The following BBS7 variants were observed in gnomAD, a reference collection of about 807,000 sequenced individuals.
BBS7 encodes the protein BBSome complex member BBS7.
A neutral mutation model predicts 90.3 loss-of-function variants in BBS7; 50 were observed. The ratio of observed to expected loss-of-function variants is 0.55; its 90% confidence interval spans 0.44 to 0.70. The LOEUF (loss-of-function observed/expected upper bound fraction) is 0.70, where lower values mean the gene tolerates loss of function less well. BBS7 is among the 30% of genes least tolerant of loss of function. The pLI is 0.00. For missense variants in BBS7, 729 were observed against 838.9 expected (o/e 0.87, Z 1.62); for synonymous variants, 235 against 287.4 (o/e 0.82, Z 1.85).
chr4:121,843,282 TTA>T (rs1725835688), intron 12 of BBS7, among the ~76,000 whole-genome samples: 2 of 152,146 alleles, frequency 1.3e-5, no homozygotes, highest in African/African-American at 2.4e-5. Context: ...TGTTCGTGTT[TTA>T]GGAAGGAAGA....
At chr4:121,853,129 G>T in intron 7 of BBS7, 43 bp from the exon 8 acceptor site, 1 of 1,592,630 alleles carries the variant, frequency 6.3e-7, no homozygotes. Context: ...AAGACTAATA[G>T]TTATGGTCAA....
At chr4:121,839,502 T>C in intron 13 of BBS7, 129 bp downstream of exon 13, 1 of 796,038 alleles carries the variant, frequency 1.3e-6, no homozygotes, top group Non-Finnish European at 2.1e-6. Flanking sequence ...CATTCAAAAT[T>C]CATTACTCCA....
chr4:121,853,589 G>GA (rs1188142116), intron 7 of BBS7, among the ~76,000 whole-genome samples: 2 of 149,588 alleles, frequency 1.3e-5, no homozygotes, highest in Admixed American at 1.3e-4. Flanking sequence ...AATATATACT[G>GA]AAATTGTCTA....
intron 13 of BBS7, among the ~76,000 whole-genome samples, chr4:121,835,602 A>G (rs1451343193): frequency 1.3e-5 from 2 of 152,156 alleles, no homozygotes; most frequent in African/African-American, 4.8e-5. Context: ...TTTAAGCAAG[A>G]TTTTTTGCAA....
intron 12 of BBS7, 120 bp downstream of exon 12, chr4:121,843,807 A>G: frequency 1.4e-6 from 1 of 720,428 alleles, no homozygotes; most frequent in Non-Finnish European, 2.4e-6. Context: ...TTTGAAGGAA[A>G]GGTTACATAA....
intron 4 of BBS7, among the ~76,000 whole-genome samples, chr4:121,859,726 C>T (rs1363390772): frequency 1.3e-5 from 2 of 151,712 alleles, no homozygotes; most frequent in East Asian, 3.9e-4. Flanking sequence ...CTGAAAAAGT[C>T]TATTTTAAGT....
Position 121,870,347 on chromosome 4 carries a change from C to G in BBS7, c.-34G>C, listed in dbSNP as rs1460435262. The G allele has an allele frequency of 1.2e-6, 2 of 1,613,930 alleles. No individual in the cohort carries two copies. The highest frequency in any genetic ancestry group is 1.7e-6 in the Non-Finnish European group (2 of 1,179,814). Reference sequence around the variant, plus strand: ...CGCGGAGGGGCTAAGCAGCGCCGGACAAGAACAGGAGGGACAGAGGCTTCG... The same window carrying G: ...CGCGGAGGGGCTAAGCAGCGCCGGAGAAGAACAGGAGGGACAGAGGCTTCG... On this transcript the variant is annotated 5_prime_UTR_variant, in exon 1 of 19. Transcript: ENST00000264499.
At chr4:121,855,774 AAATG>A (rs992637484) in intron 5 of BBS7, among the ~76,000 whole-genome samples, 15 of 150,552 alleles carry the variant, frequency 1.0e-4, no homozygotes, top group Middle Eastern at 6.9e-3. Context: ...ATATACGTAT[AAATG>A]TATACATATA....
At chr4:121,829,108 C>A (rs577798502) in intron 15 of BBS7, among the ~76,000 whole-genome samples, 76 of 152,244 alleles carry the variant, frequency 5.0e-4, no homozygotes, top group African/African-American at 1.6e-3. Flanking sequence ...TGTAATCACA[C>A]AAATTACAGT....
chr4:121,832,009 A>AACACACAC (rs375865529), intron 15 of BBS7, among the ~76,000 whole-genome samples: 11,882 of 142,750 alleles, frequency 0.083, 898 homozygotes, highest in African/African-American at 0.21. Flanking sequence ...AAAAAACAAA[A>AACACACAC]ACACACACAC....
At chr4:121,866,410 C>T (rs904511169) in intron 2 of BBS7, among the ~76,000 whole-genome samples, 5 of 151,814 alleles carry the variant, frequency 3.3e-5, no homozygotes, top group African/African-American at 1.2e-4. Context: ...TTACAGGTGC[C>T]TGCCACAATG....
rs77146930 is a variant in BBS7, at chr4:121,867,920, A to T, written c.102+61T>A. On this transcript the variant is annotated intron_variant, in intron 2 of 18. Transcript: ENST00000264499. Reference sequence around the variant, plus strand: ...GAATAACTTAATAATAAAGAAGGAAATAGGAGCCTCTCCTCTGTCACTGCT... The same window carrying T: ...GAATAACTTAATAATAAAGAAGGAATTAGGAGCCTCTCCTCTGTCACTGCT... 8.8e-3 allele frequency: 11,881 copies of T among 1,356,372 alleles called. 741 individuals carry two copies. The East Asian group carries it at 0.16, about 18-fold the overall frequency. The allele number at this position is 1,356,372 out of a possible 1,614,324, so 84.0% of individuals were successfully genotyped here.
chr4:121,870,154 C>T, intron 1 of BBS7, 124 bp downstream of exon 1: 1 of 1,263,472 alleles, frequency 7.9e-7, no homozygotes, highest in Non-Finnish European at 1.2e-6. Context: ...GGTCGGCACC[C>T]AGCCCGGCTC....
At chr4:121,843,001 G>A (rs1052545307) in intron 12 of BBS7, among the ~76,000 whole-genome samples, 3 of 152,282 alleles carry the variant, frequency 2.0e-5, no homozygotes, top group Admixed American at 1.3e-4. Flanking sequence ...GAAAAAGTGG[G>A]GCAGGGCAGG....
At chr4:121,864,006 C>A (rs955842218) in intron 2 of BBS7, among the ~76,000 whole-genome samples, 5 of 152,172 alleles carry the variant, frequency 3.3e-5, no homozygotes, top group Non-Finnish European at 7.4e-5. Context: ...AGACTGAGCT[C>A]CGCCTCCCGT....
chr4:121,870,092 C>T (rs1727502588), intron 1 of BBS7, among the ~76,000 whole-genome samples, 186 bp downstream of exon 1: 1 of 152,188 alleles, frequency 6.6e-6, no homozygotes, highest in Non-Finnish European at 1.5e-5. Context: ...TTCCCCGGTC[C>T]CCTCGGACCG....
chr4:121,855,893 CATGT>C (rs768682777), intron 5 of BBS7, among the ~76,000 whole-genome samples: 10 of 144,152 alleles, frequency 6.9e-5, no homozygotes, highest in Non-Finnish European at 1.3e-4. Flanking sequence ...TATGTACATA[CATGT>C]ATGTGTATAT....
chr4:121,859,117 A>C lies in BBS7; in HGVS notation c.403T>G (p.Cys135Gly). 11 of 1,613,928 alleles carry C rather than the reference A, an allele frequency of 6.8e-6. No homozygotes were observed. The highest frequency in any genetic ancestry group is 9.3e-6 in the Non-Finnish European group (11 of 1,179,854). Residue 135 changes from cysteine to glycine, a missense_variant, in exon 5 of 19, where the codon TGC (cysteine) becomes GGC (glycine). Cys to Gly is a radical substitution (Grantham distance 159). Coordinates refer to ENST00000264499, the MANE Select transcript of BBS7 (RefSeq NM_176824.3). ...ASYIYNHYCD[C>G]KDQHYYLSGD... The stretch of plus-strand genomic sequence containing the variant: ...GAAAGGTAATAATGTTGGTCTTTGC[A>C]GTCACAATAATGGTTATAGATGTAA...
intron 18 of BBS7, among the ~76,000 whole-genome samples, 193 bp from the exon 19 acceptor site, chr4:121,826,186 A>G (rs1215341852): frequency 6.6e-6 from 1 of 152,226 alleles, no homozygotes; most frequent in East Asian, 1.9e-4. Flanking sequence ...CAAGATATAA[A>G]TCATCTGCCT....
Sources: gnomAD v4.1 joint callset for allele counts (sites outside exome capture counted in the v4.1 genomes callset) on GRCh38, gnomAD v4.1.1 for gene constraint, MANE v1.5 for transcripts, NCBI Gene and HGNC (gene_info 2026-07-23, HGNC 2026-07-21) for gene names.